STRN3: variants seen among roughly 807,000 people sequenced by gnomAD.
The protein encoded by STRN3 is striatin 3.
A neutral mutation model predicts 95.6 loss-of-function variants in STRN3; 29 were observed. The observed-to-expected ratio is 0.30, with a 90% CI of 0.23 to 0.41. The LOEUF (loss-of-function observed/expected upper bound fraction) is 0.41. STRN3 is among the 10% of genes least tolerant of loss of function. The pLI, the probability that STRN3 is intolerant of heterozygous loss-of-function variation, is 1.00. For missense variants in STRN3, 890 were observed against 972.1 expected, an observed-to-expected ratio of 0.92 and a Z score of 1.12; for synonymous variants, 331 against 357.6, an observed-to-expected ratio of 0.93 and a Z score of 0.84.
chr14:30,984,872 G>A (rs949165201), intron 1 of STRN3, among the ~76,000 whole-genome samples: 3 of 152,082 alleles, frequency 2.0e-5, no homozygotes, highest in African/African-American at 7.2e-5. Context: ...AGCTTAATTT[G>A]TTATACCCCT....
chr14:30,957,495 A>G (rs1041360606), intron 1 of STRN3, among the ~76,000 whole-genome samples: 1 of 151,284 alleles, frequency 6.6e-6, no homozygotes, highest in Non-Finnish European at 1.5e-5. Context: ...GAAAATGTAT[A>G]ATCTTTCCAT....
intron 5 of STRN3, among the ~76,000 whole-genome samples, chr14:30,944,531 A>C (rs541170785): frequency 7.2e-6 from 1 of 139,432 alleles, no homozygotes; most frequent in Non-Finnish European, 1.6e-5. Context: ...ATATACACAT[A>C]TATATACATG....
chr14:31,022,105 C>T (rs1883532966), intron 1 of STRN3, among the ~76,000 whole-genome samples: 2 of 152,090 alleles, frequency 1.3e-5, no homozygotes, highest in East Asian at 3.8e-4. Flanking sequence ...GTCGGCCGGG[C>T]GCGGTGGTTC....
intron 15 of STRN3, 65 bp from the exon 16 acceptor site, chr14:30,902,708 T>A: frequency 2.0e-6 from 2 of 1,009,552 alleles, no homozygotes; most frequent in Non-Finnish European, 3.0e-6. Flanking sequence ...GATAATGGCC[T>A]TTTTAATCGT....
chr14:30,989,774 A>G (rs936703353), intron 1 of STRN3, among the ~76,000 whole-genome samples: 2 of 150,900 alleles, frequency 1.3e-5, no homozygotes, highest in East Asian at 3.9e-4. Context: ...CAGGATTTAT[A>G]GCCAGACGGT....
At chr14:30,945,617 T>C (rs911868485) in intron 5 of STRN3, among the ~76,000 whole-genome samples, 1 of 151,720 alleles carries the variant, frequency 6.6e-6, no homozygotes, top group African/African-American at 2.4e-5. Flanking sequence ...AAAATAATAA[T>C]AATAAAATAA....
intron 8 of STRN3, among the ~76,000 whole-genome samples, chr14:30,921,896 G>T (rs540680269): frequency 6.6e-6 from 1 of 152,068 alleles, no homozygotes; most frequent in South Asian, 2.1e-4. Context: ...TGTGAGACAA[G>T]GTCTTGCCCT....
At chr14:30,911,214 C>T in intron 12 of STRN3, 52 bp from the exon 13 acceptor site, 1 of 1,548,592 alleles carries the variant, frequency 6.5e-7, no homozygotes, top group East Asian at 2.3e-5. Flanking sequence ...TAAGAAGAAA[C>T]TCAAATCTCC....
chr14:30,948,059 T>C (rs1358749970), intron 4 of STRN3, among the ~76,000 whole-genome samples: 1 of 144,496 alleles, frequency 6.9e-6, no homozygotes, highest in Non-Finnish European at 1.6e-5. Context: ...GGAGAATAAA[T>C]GTGAAAAAAA....
At chr14:30,990,979 C>G (rs1881924635) in intron 1 of STRN3, among the ~76,000 whole-genome samples, 1 of 152,140 alleles carries the variant, frequency 6.6e-6, no homozygotes, top group African/African-American at 2.4e-5. Context: ...TACAGAGGGG[C>G]AGCTGTACCA....
At chr14:30,978,726 C>A (rs1292930346) in intron 1 of STRN3, among the ~76,000 whole-genome samples, 1 of 152,014 alleles carries the variant, frequency 6.6e-6, no homozygotes, top group African/African-American at 2.4e-5. Flanking sequence ...ATAAAAAGAA[C>A]CCTGGATCAA....
At chr14:30,945,461 C>T (rs766378660) in intron 5 of STRN3, among the ~76,000 whole-genome samples, 4 of 152,032 alleles carry the variant, frequency 2.6e-5, no homozygotes, top group African/African-American at 9.7e-5. Context: ...AAAAATTAGT[C>T]AGGCATGGTG....
intron 16 of STRN3, 108 bp downstream of exon 16, chr14:30,902,428 A>G (rs1205861406): frequency 4.3e-6 from 3 of 691,822 alleles, no homozygotes; most frequent in African/African-American, 3.8e-5. Context: ...AAATGGTTTC[A>G]TTTGGCAATT....
chr14:31,009,583 G>T (rs1280276521), intron 1 of STRN3, among the ~76,000 whole-genome samples: 1 of 145,824 alleles, frequency 6.9e-6, no homozygotes, highest in East Asian at 2.0e-4. Flanking sequence ...GGAAAATCAG[G>T]ATTACAAAAA....
chr14:30,951,940 A>C (rs1879660626), intron 3 of STRN3, among the ~76,000 whole-genome samples: 1 of 152,196 alleles, frequency 6.6e-6, no homozygotes, highest in African/African-American at 2.4e-5. Context: ...CAACACGGTG[A>C]AACGCCGTCT....
intron 1 of STRN3, among the ~76,000 whole-genome samples, chr14:31,001,786 G>A (rs1377935767): frequency 6.6e-6 from 1 of 152,172 alleles, no homozygotes; most frequent in Non-Finnish European, 1.5e-5. Context: ...TGGCCCTTGG[G>A]AGGCCAAGGC....
intron 3 of STRN3, 32 bp downstream of exon 3, chr14:30,955,584 TAAAA>T: frequency 7.9e-7 from 1 of 1,267,518 alleles, no homozygotes; most frequent in Non-Finnish European, 1.1e-6. Flanking sequence ...AAAAATGAAT[TAAAA>T]AAAAAAAAAG....
chr14:31,002,821 T>C (rs1003889415), intron 1 of STRN3, among the ~76,000 whole-genome samples: 1 of 151,986 alleles, frequency 6.6e-6, no homozygotes, highest in African/African-American at 2.4e-5. Context: ...AGAATGGTGG[T>C]TTCCAGGAGC....
At chr14:30,993,828 C>T (rs931092181) in intron 1 of STRN3, among the ~76,000 whole-genome samples, 25 of 151,732 alleles carry the variant, frequency 1.6e-4, no homozygotes, top group African/African-American at 5.6e-4. Context: ...TACAGGCACC[C>T]GCCACCACAC....
Sources: gnomAD v4.1 joint callset for allele counts (sites outside exome capture counted in the v4.1 genomes callset) on GRCh38, gnomAD v4.1.1 for gene constraint, MANE v1.5 for transcripts, NCBI Gene and HGNC (gene_info 2026-07-23, HGNC 2026-07-21) for gene names.